Variants in FBXL2 observed in about 807,000 individuals in gnomAD.
FBXL2 encodes the protein F-box/LRR-repeat protein 2.
A neutral mutation model predicts 69.2 loss-of-function variants in FBXL2; 38 were observed. That is an observed-to-expected ratio of 0.55 (90% CI 0.42 to 0.72). The LOEUF (loss-of-function observed/expected upper bound fraction) is 0.72, where lower values mean the gene tolerates loss of function less well. Ranked by LOEUF, FBXL2 falls within the 30% of genes least tolerant of loss-of-function variation. The pLI, the probability that FBXL2 is intolerant of heterozygous loss-of-function variation, is 0.00. For synonymous variants in FBXL2, 192 were observed against 201.3 expected, an observed-to-expected ratio of 0.95 and a Z score of 0.39; for missense variants, 354 against 520.3, an observed-to-expected ratio of 0.68 and a Z score of 3.11.
rs181619607 is a variant in FBXL2 at position 33,373,242 on chromosome 3, G to A, written c.360-18G>A. On this transcript the variant is annotated intron_variant, in intron 6 of 14. Coordinates refer to ENST00000484457, the MANE Select transcript of FBXL2 (RefSeq NM_012157.5). Reference sequence around the variant, plus strand: ...AAACGTGGTTGAAAATATCTTTAGTGCGTCTGCTCTTTTTCAGCACGTGTT... The same window carrying A: ...AAACGTGGTTGAAAATATCTTTAGTACGTCTGCTCTTTTTCAGCACGTGTT... The A allele has an allele frequency of 3.4e-5, 55 of 1,613,604 alleles. No individual in the cohort carries two copies. The Admixed American group carries it at 5.2e-4, about 15-fold the overall frequency.
At chr3:33,385,057 G>C (rs1231930452) in intron 14 of FBXL2, among the ~76,000 whole-genome samples, 1 of 152,154 alleles carries the variant, frequency 6.6e-6, no homozygotes, top group Non-Finnish European at 1.5e-5. Flanking sequence ...TATGGTAAAG[G>C]CAAGCAATTT....
intron 12 of FBXL2, chr3:33,396,537 G>A (rs2154055218): frequency 2.1e-6 from 1 of 465,260 alleles, no homozygotes; most frequent in East Asian, 3.9e-5. Context: ...TAAGTTTCAA[G>A]ATTAAGTCAG....
intron 2 of FBXL2, among the ~76,000 whole-genome samples, chr3:33,320,687 G>C (rs1371849931): frequency 6.6e-6 from 1 of 151,914 alleles, no homozygotes; most frequent in African/African-American, 2.4e-5. Context: ...CACCATGTTG[G>C]TCAGGCTGAT....
intron 2 of FBXL2, among the ~76,000 whole-genome samples, chr3:33,298,941 AT>A (rs2036001426): frequency 6.6e-6 from 1 of 151,986 alleles, no homozygotes; most frequent in East Asian, 1.9e-4. Flanking sequence ...CAGGGCCTTA[AT>A]AGGCTAATGT....
At chr3:33,392,738 A>G (rs1350870845), downstream of FBXL2, 2 of 869,578 alleles carry the variant, frequency 2.3e-6, no homozygotes, top group African/African-American at 3.4e-5. Flanking sequence ...ACGATAATTC[A>G]TGAAGGCAGT....
At chr3:33,416,689 T>A in the FBXL2 span, 7 of 1,160,758 alleles carry the variant, frequency 6.0e-6, no homozygotes, top group East Asian at 5.2e-5. Context: ...GTGAAATTAA[T>A]TTTTTTTTAA....
In FBXL2 at chr3:33,377,282, G is replaced by A. The variant is rs1032587222; in HGVS notation, c.798G>A (p.Glu266=). 2 of 1,614,130 alleles carry A rather than the reference G, an allele frequency of 1.2e-6. No individual in the cohort carries two copies. Among genetic ancestry groups the A allele is most frequent in the Non-Finnish European group, 1.7e-6 (2 of 1,180,006 alleles). Residue 266 remains glutamate (E), a synonymous_variant, in exon 11 of 15, where the codon GAG becomes GAA. Coordinates refer to ENST00000484457, the MANE Select transcript of FBXL2 (RefSeq NM_012157.5). Reference sequence around the variant, plus strand: ...CCCACTTTCTCCTCAGAATTTTGGAGGCTGCCCGATGCTCCCATTTGACTG... The same window carrying A: ...CCCACTTTCTCCTCAGAATTTTGGAAGCTGCCCGATGCTCCCATTTGACTG... The part of the protein sequence containing the change: ...GLNCPRLQIL[E]AARCSHLTDA...
downstream of FBXL2, chr3:33,392,881 A>T: frequency 2.5e-6 from 1 of 392,958 alleles, no homozygotes; most frequent in Admixed American, 4.4e-5. Flanking sequence ...CCAGTGGATG[A>T]TGACTCGAAC....
At chr3:33,379,555 A>G (rs2042881985) in intron 13 of FBXL2, among the ~76,000 whole-genome samples, 3 of 151,002 alleles carry the variant, frequency 2.0e-5, no homozygotes, top group Non-Finnish European at 1.5e-5. Flanking sequence ...GGGTTTCACC[A>G]TGTTGGCCTG....
At chr3:33,378,366 C>G (rs1050261724) in intron 12 of FBXL2, among the ~76,000 whole-genome samples, 1 of 152,180 alleles carries the variant, frequency 6.6e-6, no homozygotes, top group African/African-American at 2.4e-5. Context: ...TTCAGGATAG[C>G]TCTATAAAAT....
At chr3:33,396,666 A>T (rs543936802) in intron 12 of FBXL2, 131 of 412,352 alleles carry the variant, frequency 3.2e-4, no homozygotes, top group African/African-American at 2.3e-3. Context: ...TGTCATTTTA[A>T]TTCACAATTA....
At chr3:33,398,408 AG>A (rs1463587542) in intron 12 of FBXL2, 1 of 152,262 alleles carries the variant, frequency 6.6e-6, no homozygotes, top group Non-Finnish European at 1.5e-5. Flanking sequence ...TCTCTCTACT[AG>A]GGCTTACTAC....
chr3:33,396,034 G>A, intron 12 of FBXL2: 1 of 753,438 alleles, frequency 1.3e-6, no homozygotes, highest in Non-Finnish European at 2.0e-6. Context: ...TTGCTGTCAA[G>A]GCTCCCACAT....
At chr3:33,422,538 G>C in the FBXL2 span, among the ~76,000 whole-genome samples, 1 of 152,074 alleles carries the variant, frequency 6.6e-6, no homozygotes, top group Non-Finnish European at 1.5e-5. Flanking sequence ...GCAATGAATA[G>C]TGAGATCCGC....
intron 13 of FBXL2, 54 bp from the exon 14 acceptor site, chr3:33,383,935 T>C: frequency 3.2e-6 from 5 of 1,572,830 alleles, no homozygotes; most frequent in Non-Finnish European, 4.4e-6. Flanking sequence ...TTTTTAGGAC[T>C]TGAGCCTTGG....
At position 33,373,174 on chromosome 3, in the gene FBXL2, A is replaced by T. The variant is rs1350965370; in HGVS notation, c.359+14A>T. 1.2e-6 allele frequency: 2 copies of T among 1,613,656 alleles called. No individual in the cohort carries two copies. Among genetic ancestry groups the T allele is most frequent in the Non-Finnish European group, 1.7e-6 (2 of 1,179,514 alleles). ...AATCACTGACAGGTAAGTAATGAAG[A>T]TTAATTGGTGACCAAATAGCCACGG... On this transcript the variant is annotated intron_variant, in intron 6 of 14. Coordinates refer to ENST00000484457, the MANE Select transcript of FBXL2 (RefSeq NM_012157.5).
chr3:33,390,060 G>A, downstream of FBXL2: 2 of 421,708 alleles, frequency 4.7e-6, no homozygotes, highest in Middle Eastern at 1.3e-3. Context: ...ACTGGCCTCT[G>A]CCAGAGCAGC....
chr3:33,368,475 T>C (rs1257836113), intron 5 of FBXL2, among the ~76,000 whole-genome samples: 3 of 152,230 alleles, frequency 2.0e-5, no homozygotes, highest in Admixed American at 2.0e-4. Context: ...ATCTTCTTTG[T>C]CTGATATAGT....
At chr3:33,292,484 A>G (rs560354956) in intron 1 of FBXL2, among the ~76,000 whole-genome samples, 4 of 152,290 alleles carry the variant, frequency 2.6e-5, no homozygotes, top group Admixed American at 2.6e-4. Flanking sequence ...AACCACAATC[A>G]TAGTTGAATA....
Sources: allele counts gnomAD v4.1 joint callset (sites outside exome capture counted in the v4.1 genomes callset), GRCh38; gene constraint gnomAD v4.1.1; transcripts MANE v1.5; gene names NCBI Gene and HGNC (gene_info 2026-07-23, HGNC 2026-07-21).